Variants in PMS2 observed in about 807,000 individuals in gnomAD.
PMS2 encodes the protein PMS1 homolog 2, mismatch repair system component.
A neutral mutation model predicts 90.0 loss-of-function variants in PMS2; 69 were observed. That is an observed-to-expected ratio of 0.77 (90% CI 0.63 to 0.94). PMS2 has a LOEUF of 0.94. PMS2 is among the 40% of genes least tolerant of loss of function. The pLI, the probability that PMS2 is intolerant of heterozygous loss-of-function variation, is 0.00. For synonymous variants in PMS2, 332 were observed against 375.1 expected (o/e 0.89, Z 1.33); for missense variants, 966 against 1,040.2 (o/e 0.93, Z 0.98).
chr7:5,995,906 C>A (rs963565979), intron 7 of PMS2, among the ~76,000 whole-genome samples: 2 of 152,118 alleles, frequency 1.3e-5, no homozygotes. Context: ...CTCTCCTTAC[C>A]CTTCCTGATA....
intron 12 of PMS2, among the ~76,000 whole-genome samples, chr7:5,979,557 C>T (rs1365906576): frequency 2.0e-5 from 3 of 149,618 alleles, no homozygotes; most frequent in African/African-American, 7.4e-5. Flanking sequence ...TGGGTTAGGT[C>T]ATTGCCAGCA....
At position 5,992,316 on chromosome 7, in the gene PMS2, A is replaced by AT. The variant is rs1444607368; in HGVS notation, c.904-260dup. Reference sequence around the variant, plus strand: ...ACATGTAACTTGGATTACAGGCAGGATTTTTTTTTCTTTTTTTTTTTCAAC... The same window carrying AT: ...ACATGTAACTTGGATTACAGGCAGGATTTTTTTTTTCTTTTTTTTTTTCAAC... On this transcript the variant is annotated intron_variant, in intron 8 of 14. Transcript: ENST00000265849. Among the ~76,000 whole-genome samples, 277 of 140,960 alleles carry AT rather than the reference A, an allele frequency of 2.0e-3. 7 individuals are homozygous for AT. Among genetic ancestry groups the AT allele is most frequent in the Non-Finnish European group, 2.8e-3 (178 of 64,020 alleles). 92.5% of individuals were successfully genotyped at this position (140,960 alleles called of 152,430 possible).
chr7:6,003,536 G>T, intron 4 of PMS2, 154 bp downstream of exon 4: 1 of 632,606 alleles, frequency 1.6e-6, no homozygotes, highest in East Asian at 2.7e-5. Context: ...CATTTCAGAA[G>T]TACTATGACT....
chr7:5,999,580 C>T (rs542003306), intron 5 of PMS2, among the ~76,000 whole-genome samples: 6 of 151,972 alleles, frequency 3.9e-5, no homozygotes, highest in African/African-American at 1.4e-4. Flanking sequence ...CACTTGAGAC[C>T]AGGAGTTCAA....
intron 12 of PMS2, among the ~76,000 whole-genome samples, chr7:5,979,810 T>C (rs1583290234): frequency 8.0e-6 from 1 of 124,582 alleles, no homozygotes; most frequent in African/African-American, 2.9e-5. Flanking sequence ...TGTGAGCCAC[T>C]GCATCTGGTC....
intron 11 of PMS2, 113 bp downstream of exon 11, chr7:5,986,646 C>T (rs1782899867): frequency 2.5e-6 from 2 of 800,122 alleles, no homozygotes; most frequent in South Asian, 2.2e-5. Flanking sequence ...GAGCCAAGAT[C>T]ATGCCACTGC....
intron 8 of PMS2, among the ~76,000 whole-genome samples, chr7:5,992,317 TTTTTTTTTC>T (rs1317285255): frequency 6.8e-6 from 1 of 147,878 alleles, no homozygotes; most frequent in Non-Finnish European, 1.5e-5. Flanking sequence ...ACAGGCAGGA[TTTTTTTTTC>T]TTTTTTTTTT....
intron 10 of PMS2, 133 bp from the exon 11 acceptor site, chr7:5,987,753 C>G: frequency 9.8e-7 from 1 of 1,025,448 alleles, no homozygotes; most frequent in Non-Finnish European, 1.5e-6. Context: ...GTTCAATGTT[C>G]AAAATAAAAC....
At chr7:5,977,324 G>A (rs969178064) in intron 14 of PMS2, among the ~76,000 whole-genome samples, 2 of 147,142 alleles carry the variant, frequency 1.4e-5, no homozygotes, top group African/African-American at 4.9e-5. Flanking sequence ...CAAAGTGCTG[G>A]GATTAGAGGC....
intron 7 of PMS2, 101 bp downstream of exon 7, chr7:5,997,225 A>C: frequency 1.4e-6 from 1 of 720,092 alleles, no homozygotes; most frequent in Non-Finnish European, 2.4e-6. Context: ...AGAAAAAAAA[A>C]AAAAGACACG....
chr7:5,985,661 C>T (rs1450951185), intron 11 of PMS2, among the ~76,000 whole-genome samples: 7 of 150,394 alleles, frequency 4.7e-5, no homozygotes, highest in Non-Finnish European at 1.0e-4. Flanking sequence ...TCAAGCAATT[C>T]TCCTGCCTCA....
In PMS2 at chr7:5,986,925, T is replaced by A. The variant is rs63750490; in HGVS notation, c.1840A>T (p.Lys614Ter). 6.8e-6 allele frequency: 11 copies of A among 1,614,190 alleles called. No homozygotes were observed. Among genetic ancestry groups the A allele is most frequent in the African/African-American group, 4.0e-5 (3 of 75,058 alleles). ...QVDVAVKINKKVVPLDFSMSS... is the reference protein window; with the variant it reads ...QVDVAVKINK ...ATAGAAAAGTCCAGGGGCACAACTT[T>A]CTTATTAATTTTCACAGCTACATCA... Residue 614 changes from lysine to a stop codon, truncating the protein, a stop_gained, in exon 11 of 15, where the codon AAA becomes TAA. Coordinates refer to ENST00000265849, the MANE Select transcript of PMS2 (RefSeq NM_000535.7). LOFTEE classifies it high-confidence loss of function.
chr7:5,996,835 T>A (rs1192798855), intron 7 of PMS2, among the ~76,000 whole-genome samples: 1 of 151,940 alleles, frequency 6.6e-6, no homozygotes, highest in Non-Finnish European at 1.5e-5. Context: ...ACTCAAAACA[T>A]GGTTTGAATT....
intron 5 of PMS2, among the ~76,000 whole-genome samples, chr7:6,001,466 A>G (rs34197105): frequency 0.19 from 28,805 of 149,542 alleles, 2,968 homozygotes; most frequent in Middle Eastern, 0.32. Flanking sequence ...TGCCTCCCGG[A>G]TTCCAGCGAT....
intron 7 of PMS2, 87 bp from the exon 8 acceptor site, chr7:5,995,720 GA>G: frequency 2.1e-6 from 2 of 956,174 alleles, no homozygotes; most frequent in South Asian, 2.6e-5. Flanking sequence ...AAAGTGAAAT[GA>G]AAACAAAACA....
At chr7:5,992,206 G>C in intron 8 of PMS2, 149 bp from the exon 9 acceptor site, 1 of 619,528 alleles carries the variant, frequency 1.6e-6, no homozygotes, top group Non-Finnish European at 2.9e-6. Flanking sequence ...GTCTCGCCTT[G>C]TCACAGCCTG....
At chr7:6,003,364 T>C in intron 4 of PMS2, 1 of 185,664 alleles carries the variant, frequency 5.4e-6, no homozygotes, top group East Asian at 1.5e-4. Flanking sequence ...TATAATTAAA[T>C]AGTGCTTTGG....
chr7:6,008,550 G>C (rs936500955), intron 1 of PMS2, among the ~76,000 whole-genome samples: 2 of 151,772 alleles, frequency 1.3e-5, no homozygotes, highest in Non-Finnish European at 2.9e-5. Context: ...AGGCGTTCGA[G>C]ACCAGCCTGG....
At chr7:6,008,078 T>C (rs947857304) in intron 1 of PMS2, among the ~76,000 whole-genome samples, 1 of 152,126 alleles carries the variant, frequency 6.6e-6, no homozygotes, top group African/African-American at 2.4e-5. Context: ...AGGCTGGTCA[T>C]GAACTCCTGA....
Sources: gnomAD v4.1 joint callset for allele counts (sites outside exome capture counted in the v4.1 genomes callset) on GRCh38, gnomAD v4.1.1 for gene constraint, MANE v1.5 for transcripts, NCBI Gene and HGNC (gene_info 2026-07-23, HGNC 2026-07-21) for gene names.